The following NEBL variants were observed in gnomAD, a reference collection of about 807,000 sequenced individuals.
The protein encoded by NEBL is LIM and SH3 protein 2.
In NEBL, 122 loss-of-function variants were observed where a neutral mutation model predicts 140.2. The observed-to-expected ratio is 0.87, with a 90% CI of 0.75 to 1.01. The LOEUF (loss-of-function observed/expected upper bound fraction) is 1.01, where lower values mean the gene tolerates loss of function less well. NEBL is among the 50% of genes least tolerant of loss of function. The pLI, the probability that NEBL is intolerant of heterozygous loss-of-function variation, is 0.00. For missense variants in NEBL, 1,365 were observed against 1,231.3 expected, an observed-to-expected ratio of 1.11 and a Z score of -1.62; for synonymous variants, 436 against 398.9, an observed-to-expected ratio of 1.09 and a Z score of -1.11.
At chr10:21,147,238 G>T (rs1332263234) in intron 2 of NEBL, among the ~76,000 whole-genome samples, 1 of 151,936 alleles carries the variant, frequency 6.6e-6, no homozygotes, top group Non-Finnish European at 1.5e-5. Flanking sequence ...ACCTCCTCCT[G>T]CCTCTCAACA....
At chr10:20,812,320 C>CT (rs1011356495) in intron 24 of NEBL, among the ~76,000 whole-genome samples, 2 of 151,654 alleles carry the variant, frequency 1.3e-5, no homozygotes, top group African/African-American at 4.8e-5. Context: ...GAGGAACATT[C>CT]TTTTTTTTAT....
intron 3 of NEBL, among the ~76,000 whole-genome samples, chr10:21,237,205 G>A (rs151012028): frequency 6.6e-6 from 1 of 152,028 alleles, no homozygotes; most frequent in Non-Finnish European, 1.5e-5. Context: ...TTTTGTTTTG[G>A]TTTGTTTTGT....
chr10:21,146,158 A>T (rs758831749), intron 2 of NEBL, among the ~76,000 whole-genome samples: 1 of 152,222 alleles, frequency 6.6e-6, no homozygotes, highest in Non-Finnish European at 1.5e-5. Flanking sequence ...CAAAGTACAG[A>T]ACAGGCCTGC....
At chr10:21,188,322 T>G (rs1217131134) in intron 3 of NEBL, among the ~76,000 whole-genome samples, 1 of 152,134 alleles carries the variant, frequency 6.6e-6, no homozygotes, top group African/African-American at 2.4e-5. Context: ...ATGTTCTAGT[T>G]CCCCGTGACC....
At chr10:21,136,770 A>G (rs541356538) in intron 2 of NEBL, among the ~76,000 whole-genome samples, 2 of 152,354 alleles carry the variant, frequency 1.3e-5, no homozygotes, top group East Asian at 1.9e-4. Flanking sequence ...CAAATATTTT[A>G]TTCACACAGT....
Position 20,785,694 on chromosome 10 carries a change from A to C in NEBL, c.*53T>G. 1 of 1,574,990 alleles carries C rather than the reference A, an allele frequency of 6.3e-7. No homozygotes were observed. The highest frequency in any genetic ancestry group is 8.7e-7 in the Non-Finnish European group (1 of 1,153,582). On this transcript the variant is annotated 3_prime_UTR_variant, in exon 28 of 28. Transcript: ENST00000377122. ...TTAAAAGTATCTTCTATCTTTTAAA[A>C]AGATTAGGTTTGGGATACATTAGAA...
intron 2 of NEBL, among the ~76,000 whole-genome samples, chr10:21,120,011 G>A (rs970910915): frequency 6.6e-6 from 1 of 152,074 alleles, no homozygotes; most frequent in African/African-American, 2.4e-5. Flanking sequence ...GGAATGCTAA[G>A]TGATGGGCAG....
At chr10:20,793,631 G>A (rs565359322) in intron 26 of NEBL, among the ~76,000 whole-genome samples, 9 of 150,446 alleles carry the variant, frequency 6.0e-5, no homozygotes, top group South Asian at 4.2e-4. Context: ...TCAGCTCACC[G>A]CAGCCTCCAT....
At chr10:21,064,474 G>A (rs956749628) in intron 2 of NEBL, among the ~76,000 whole-genome samples, 6 of 152,026 alleles carry the variant, frequency 3.9e-5, no homozygotes, top group African/African-American at 7.2e-5. Context: ...CAGTTGGTAG[G>A]GCTCTAACTC....
chr10:21,197,192 C>T (rs1841666645), intron 3 of NEBL, among the ~76,000 whole-genome samples: 1 of 152,204 alleles, frequency 6.6e-6, no homozygotes, highest in Non-Finnish European at 1.5e-5. Context: ...CCTGGCTGTG[C>T]ATCAGAATCC....
chr10:20,792,548 T>C (rs1025286011), intron 26 of NEBL, among the ~76,000 whole-genome samples: 2 of 152,216 alleles, frequency 1.3e-5, no homozygotes, highest in Non-Finnish European at 2.9e-5. Flanking sequence ...ACGCCTGTAA[T>C]CCCAGCACTT....
chr10:21,080,859 T>G (rs1299111689), intron 2 of NEBL, among the ~76,000 whole-genome samples: 1 of 152,124 alleles, frequency 6.6e-6, no homozygotes, highest in African/African-American at 2.4e-5. Flanking sequence ...TTTGTTTGTT[T>G]GTTTTTTGTT....
chr10:21,187,508 TTTATTATTA>T (rs200818307), intron 3 of NEBL, among the ~76,000 whole-genome samples: 1 of 150,110 alleles, frequency 6.7e-6, no homozygotes, highest in African/African-American at 2.4e-5. Flanking sequence ...ACTATTATTA[TTTATTATTA>T]TTATTATTAT....
intron 2 of NEBL, among the ~76,000 whole-genome samples, chr10:21,092,431 AT>A (rs1446083528): frequency 1.3e-5 from 2 of 152,172 alleles, no homozygotes; most frequent in African/African-American, 4.8e-5. Flanking sequence ...GTAACAGTAA[AT>A]TATGTGATGA....
intron 26 of NEBL, among the ~76,000 whole-genome samples, chr10:20,802,097 C>T (rs544668116): frequency 3.9e-5 from 6 of 152,248 alleles, no homozygotes; most frequent in African/African-American, 1.4e-4. Context: ...AAACTGAATA[C>T]AAGTTCAAAT....
At chr10:21,028,769 A>G (rs1833647992) in intron 2 of NEBL, among the ~76,000 whole-genome samples, 1 of 151,790 alleles carries the variant, frequency 6.6e-6, no homozygotes, top group Non-Finnish European at 1.5e-5. Flanking sequence ...CTAACTCAAT[A>G]TAATTTAAAA....
At chr10:21,065,434 C>G (rs1377535076) in intron 2 of NEBL, among the ~76,000 whole-genome samples, 1 of 152,122 alleles carries the variant, frequency 6.6e-6, no homozygotes, top group Non-Finnish European at 1.5e-5. Context: ...CATAGAAAAA[C>G]AGGGAATATA....
intron 3 of NEBL, among the ~76,000 whole-genome samples, chr10:20,978,676 A>G (rs1185926303): frequency 6.6e-6 from 1 of 151,680 alleles, no homozygotes; most frequent in East Asian, 1.9e-4. Context: ...GATTGCCCGT[A>G]CCCAGGAGTT....
intron 2 of NEBL, among the ~76,000 whole-genome samples, chr10:21,074,254 T>A (rs1272821501): frequency 6.6e-6 from 1 of 152,138 alleles, no homozygotes; most frequent in Non-Finnish European, 1.5e-5. Context: ...TAACTGTATC[T>A]GCTTGTGCCT....
Sources: allele counts gnomAD v4.1 joint callset (sites outside exome capture counted in the v4.1 genomes callset), GRCh38; gene constraint gnomAD v4.1.1; transcripts MANE v1.5; gene names NCBI Gene and HGNC (gene_info 2026-07-23, HGNC 2026-07-21).